The following POFUT3 variants were observed in gnomAD, a reference collection of about 807,000 sequenced individuals.
POFUT3 encodes the protein protein O-fucosyltransferase 3, also known as GDP-fucose protein O-fucosyltransferase 3.
chr8:33,386,965 C>G, the POFUT3 span, among the ~76,000 whole-genome samples: 1 of 152,134 alleles, frequency 6.6e-6, no homozygotes, highest in Admixed American at 6.5e-5. Context: ...GTCTTGAAAC[C>G]TAGCCCAAGC....
chr8:33,379,279 C>T, the POFUT3 span, among the ~76,000 whole-genome samples: 3 of 151,844 alleles, frequency 2.0e-5, no homozygotes, highest in African/African-American at 7.3e-5. Flanking sequence ...ATACACATCC[C>T]TCCTCCCCAA....
the POFUT3 span, among the ~76,000 whole-genome samples, chr8:33,471,619 A>G: frequency 6.6e-6 from 1 of 152,224 alleles, no homozygotes; most frequent in African/African-American, 2.4e-5. Context: ...CAACATTTGT[A>G]CATATATAAA....
chr8:33,435,087 C>T, the POFUT3 span, among the ~76,000 whole-genome samples: 2 of 152,216 alleles, frequency 1.3e-5, no homozygotes, highest in African/African-American at 4.8e-5. Context: ...CCTCCCCATC[C>T]AAGACATGTT....
the POFUT3 span, among the ~76,000 whole-genome samples, chr8:33,350,608 A>C: frequency 6.6e-6 from 1 of 152,352 alleles, no homozygotes; most frequent in Non-Finnish European, 1.5e-5. Context: ...GATGATTCTC[A>C]GACATACAAT....
chr8:33,387,529 T>C, the POFUT3 span, among the ~76,000 whole-genome samples: 6,636 of 152,158 alleles, frequency 0.044, 466 homozygotes, highest in African/African-American at 0.15. Flanking sequence ...TAAGGCCAGA[T>C]GTGGTGGCTC....
At chr8:33,345,398 CTTT>C in the POFUT3 span, among the ~76,000 whole-genome samples, 9 of 122,440 alleles carry the variant, frequency 7.4e-5, no homozygotes, top group Admixed American at 8.4e-5. Flanking sequence ...GTATATTTTA[CTTT>C]TTTTTTTTTT....
At chr8:33,469,803 C>CTT in the POFUT3 span, among the ~76,000 whole-genome samples, 3,955 of 108,682 alleles carry the variant, frequency 0.036, 231 homozygotes, top group East Asian at 0.081. Context: ...TTTACTTTTT[C>CTT]TTTTTTTTTT....
chr8:33,355,837 A>G, the POFUT3 span, among the ~76,000 whole-genome samples: 1 of 151,980 alleles, frequency 6.6e-6, no homozygotes, highest in East Asian at 1.9e-4. Context: ...CAACGCCACA[A>G]CAGTCCCCAG....
the POFUT3 span, among the ~76,000 whole-genome samples, chr8:33,365,277 T>A: frequency 1.3e-5 from 2 of 152,190 alleles, no homozygotes; most frequent in Non-Finnish European, 2.9e-5. Context: ...ATTGAAGACT[T>A]AAATGTTAGA....
chr8:33,472,091 T>C, the POFUT3 span, among the ~76,000 whole-genome samples: 1 of 152,120 alleles, frequency 6.6e-6, no homozygotes, highest in Non-Finnish European at 1.5e-5. Flanking sequence ...AAGCCCAAGA[T>C]TGGTCGTGAG....
At chr8:33,368,916 TTTAA>T in the POFUT3 span, among the ~76,000 whole-genome samples, 3 of 152,130 alleles carry the variant, frequency 2.0e-5, no homozygotes, top group African/African-American at 7.2e-5. Context: ...AGTCCTTGGT[TTTAA>T]TACCATCATA....
chr8:33,324,664 G>A, the POFUT3 span, among the ~76,000 whole-genome samples: 1 of 152,018 alleles, frequency 6.6e-6, no homozygotes, highest in Non-Finnish European at 1.5e-5. Flanking sequence ...AAAAGTCCCT[G>A]GAACATAGTG....
the POFUT3 span, among the ~76,000 whole-genome samples, chr8:33,329,254 G>A: frequency 1.3e-5 from 2 of 152,282 alleles, no homozygotes; most frequent in South Asian, 2.1e-4. Flanking sequence ...GGAAAAGATG[G>A]GGAAGATGTA....
At chr8:33,468,313 C>A in the POFUT3 span, among the ~76,000 whole-genome samples, 1 of 152,002 alleles carries the variant, frequency 6.6e-6, no homozygotes, top group African/African-American at 2.4e-5. Context: ...CCTCCCTCTC[C>A]CTAGTTGCAG....
At chr8:33,435,727 GCTGGTCTCGTACTC>G in the POFUT3 span, among the ~76,000 whole-genome samples, 1 of 151,476 alleles carries the variant, frequency 6.6e-6, no homozygotes, top group Non-Finnish European at 1.5e-5. Flanking sequence ...TGTTGGCCAG[GCTGGTCTCGTACTC>G]CTGACCTCAG....
At chr8:33,328,528 A>G in the POFUT3 span, among the ~76,000 whole-genome samples, 28 of 152,316 alleles carry the variant, frequency 1.8e-4, no homozygotes, top group Admixed American at 7.8e-4. Context: ...ACAGTATGCA[A>G]TGAAGACTGG....
At chr8:33,404,337 C>CAAAAAAAAAAAA in the POFUT3 span, among the ~76,000 whole-genome samples, 7 of 110,916 alleles carry the variant, frequency 6.3e-5, no homozygotes, top group African/African-American at 2.4e-4. Flanking sequence ...GGCTCTGTCT[C>CAAAAAAAAAAAA]AAAAAAAAAA....
At chr8:33,332,382 T>C in the POFUT3 span, among the ~76,000 whole-genome samples, 5 of 151,550 alleles carry the variant, frequency 3.3e-5, no homozygotes, top group African/African-American at 1.2e-4. Flanking sequence ...TCCCAGCTAC[T>C]TGGGAGGGTG....
the POFUT3 span, among the ~76,000 whole-genome samples, chr8:33,390,864 G>A: frequency 6.6e-6 from 1 of 152,208 alleles, no homozygotes; most frequent in Non-Finnish European, 1.5e-5. Flanking sequence ...AGACAGAAGT[G>A]ATGGATGTGG....
Sources: gnomAD v4.1 joint callset for allele counts (sites outside exome capture counted in the v4.1 genomes callset) on GRCh38, gnomAD v4.1.1 for gene constraint, MANE v1.5 for transcripts, NCBI Gene and HGNC (gene_info 2026-07-23, HGNC 2026-07-21) for gene names.